Variants in GYS1 observed in about 807,000 individuals in gnomAD.
The protein encoded by GYS1 is glycogen [starch] synthase, muscle.
GYS1 carries 60 observed loss-of-function variants against 89.1 expected under a neutral mutation model. The ratio of observed to expected loss-of-function variants is 0.67; its 90% CI spans 0.55 to 0.84. The LOEUF is 0.84. Ranked by LOEUF, GYS1 falls within the 40% of genes least tolerant of loss-of-function variation. GYS1 has a pLI of 0.00. For synonymous variants in GYS1, 366 were observed against 401.7 expected, an observed-to-expected ratio of 0.91 and a Z score of 1.06; for missense variants, 888 against 1,003.1, an observed-to-expected ratio of 0.89 and a Z score of 1.55.
At chr19:48,982,663 G>C (rs576310207) in intron 6 of GYS1, 57 bp downstream of exon 6, 1 of 1,257,008 alleles carries the variant, frequency 8.0e-7, no homozygotes, top group East Asian at 2.3e-5. Flanking sequence ...CCCAGACCTA[G>C]ATGGTTAGGC....
At position 48,968,166 on chromosome 19, in the gene GYS1, C is replaced by G; in HGVS notation, c.*1122G>C. 1 of 453,570 alleles carries G rather than the reference C, an allele frequency of 2.2e-6. No individual in the cohort carries two copies. Among genetic ancestry groups the G allele is most frequent in the Non-Finnish European group, 4.4e-6 (1 of 226,470 alleles). 28.1% of individuals were successfully genotyped at this position (453,570 alleles called of 1,614,324 possible). ...AGATGTATTTTTTTCATCTCATCTC[C>G]GGACACACTCCAATCACACCCCTCC... On this transcript the variant is annotated 3_prime_UTR_variant, in exon 16 of 16. Coordinates refer to ENST00000323798, the MANE Select transcript of GYS1 (RefSeq NM_002103.5).
intron 9 of GYS1, 36 bp from the exon 10 acceptor site, chr19:48,978,038 A>G: frequency 6.2e-7 from 1 of 1,608,778 alleles, no homozygotes; most frequent in Non-Finnish European, 8.5e-7. Context: ...GTGAGAACGG[A>G]GTAATGAGAG....
rs746065850 is a variant in GYS1, at chr19:48,974,197, T to C, written c.1549+16A>G. The C allele has an allele frequency of 1.0e-5, 16 of 1,586,716 alleles. No homozygotes were observed. Among genetic ancestry groups the C allele is most frequent in the Non-Finnish European group, 1.3e-5 (15 of 1,165,726 alleles). ...AGGATGCCATGACCACGCTGTCCCC[T>C]GCCCACTACACTCACCCGGTGTGTA... On this transcript the variant is annotated intron_variant, in intron 12 of 15. Transcript: ENST00000323798.
chr19:48,972,360 G>C (rs1346118082), intron 12 of GYS1, among the ~76,000 whole-genome samples: 2 of 151,710 alleles, frequency 1.3e-5, no homozygotes, highest in Non-Finnish European at 1.5e-5. Flanking sequence ...CTTTTATAGA[G>C]ACAGGGTCTC....
At chr19:48,992,251 G>A (rs890532718) in intron 1 of GYS1, among the ~76,000 whole-genome samples, 3 of 152,034 alleles carry the variant, frequency 2.0e-5, no homozygotes, top group African/African-American at 7.3e-5. Flanking sequence ...TGTGAGATTG[G>A]CTTGTTCCTG....
Position 48,968,922 on chromosome 19 carries a change from T to C in GYS1, c.*366A>G. 2.0e-6 allele frequency: 1 copy of C among 502,494 alleles called. No individual in the cohort carries two copies. The highest frequency in any genetic ancestry group is 1.5e-5 in the South Asian group (1 of 64,878). The allele number at this position is 502,494 out of a possible 1,614,324, so 31.1% of individuals were successfully genotyped here. A position where few individuals can be genotyped will look rare whatever the true frequency, so the allele number is the denominator to read the frequency against. On this transcript the variant is annotated 3_prime_UTR_variant, in exon 16 of 16. Transcript: ENST00000323798. ...CCTGCTCTGTATGCTGTAGAATTTG[T>C]AAGCCACACGGGGGGCTCTAAAAGC... is the stretch of plus-strand genomic sequence containing the variant.
chr19:48,983,015 TTC>T (rs2122510799), intron 5 of GYS1, among the ~76,000 whole-genome samples, 178 bp from the exon 6 acceptor site: 1 of 152,216 alleles, frequency 6.6e-6, no homozygotes, highest in African/African-American at 2.4e-5. Flanking sequence ...GAGACAGGGT[TTC>T]TCTCTGTCGC....
At chr19:48,982,495 G>A (rs2038782168) in intron 6 of GYS1, 120 bp from the exon 7 acceptor site, 7 of 1,103,558 alleles carry the variant, frequency 6.3e-6, no homozygotes, top group Admixed American at 3.7e-5. Flanking sequence ...TAATACAGAG[G>A]CATCACGGGG....
intron 2 of GYS1, among the ~76,000 whole-genome samples, chr19:48,989,468 T>A (rs1378160594): frequency 2.3e-5 from 3 of 131,306 alleles, no homozygotes; most frequent in Non-Finnish European, 4.7e-5. Flanking sequence ...AGCGACAGAG[T>A]GAGATTCTAT....
chr19:48,987,256 A>G lies in GYS1; in HGVS notation c.430T>C (p.Tyr144His). The G allele has an allele frequency of 6.2e-7, 1 of 1,613,514 alleles. No individual in the cohort carries two copies. The highest frequency in any genetic ancestry group is 1.3e-5 in the African/African-American group (1 of 75,018). The change falls in exon 3 of 16, where the codon TAC becomes CAC. Residue 144 changes from tyrosine to histidine, a missense_variant. Coordinates refer to ENST00000323798, the MANE Select transcript of GYS1 (RefSeq NM_002103.5). ...WDTCNIGVPWYDREANDAVLF... is the reference protein window; with the variant it reads ...WDTCNIGVPWHDREANDAVLF... ...ACAGCGTCGTTGGCCTCGCGGTCGT[A>G]CCACGGCACTCCGATGTTGCAGGTA...
rs768327651 is a variant in GYS1, at chr19:48,969,590, G to A, written c.1912C>T (p.Arg638Trp). ...GGCGACGGTGGCACCGAGGCTGGCC[G>A]TGGGTAGCGGTACCCCTGGGCCTGC... ...ADAAQGYRYP[R>W]PASVPPSPSL... is the part of the protein sequence containing the mutation. The change falls in exon 16 of 16, where the codon CGG (arginine) becomes TGG (tryptophan). Residue 638 changes from arginine (R) to tryptophan (W), a missense_variant. Arg to Trp is a moderately radical substitution (Grantham distance 101, BLOSUM62 -3). Transcript: ENST00000323798. 1.4e-5 allele frequency: 22 copies of A among 1,538,142 alleles called. No homozygotes were observed. Among genetic ancestry groups the A allele is most frequent in the Non-Finnish European group, 1.6e-5 (18 of 1,147,204 alleles).
rs1291451716 is a variant in GYS1 at position 48,969,206 on chromosome 19, C to CG, written c.*81dup. 5 of 1,273,860 alleles carry CG rather than the reference C, an allele frequency of 3.9e-6. No individual in the cohort carries two copies. The highest frequency in any genetic ancestry group is 5.4e-6 in the Non-Finnish European group (5 of 926,046). The allele number at this position is 1,273,860 out of a possible 1,614,324, so 78.9% of individuals were successfully genotyped here. A position where few individuals can be genotyped will look rare whatever the true frequency, so the allele number is the denominator to read the frequency against. ...GGCCACACCCAGTGCAGATCTGGAG[C>CG]GGGGGTTTAGGAGCAGCACCCCTCT... is the stretch of plus-strand genomic sequence containing the variant. On this transcript the variant is annotated 3_prime_UTR_variant, in exon 16 of 16. Coordinates refer to ENST00000323798, the MANE Select transcript of GYS1 (RefSeq NM_002103.5).
chr19:48,974,431 T>A, intron 11 of GYS1, 92 bp from the exon 12 acceptor site: 1 of 1,406,998 alleles, frequency 7.1e-7, no homozygotes, highest in Non-Finnish European at 1.0e-6. Flanking sequence ...AAAGCTTGTC[T>A]AGCATCACAC....
intron 2 of GYS1, among the ~76,000 whole-genome samples, chr19:48,989,812 G>C (rs912265534): frequency 1.6e-4 from 25 of 152,200 alleles, no homozygotes; most frequent in Non-Finnish European, 3.4e-4. Context: ...AAGACTTGCT[G>C]TCTCACTTCT....
intron 8 of GYS1, among the ~76,000 whole-genome samples, chr19:48,978,721 G>A (rs567499221): frequency 2.0e-5 from 3 of 152,052 alleles, no homozygotes; most frequent in African/African-American, 7.2e-5. Flanking sequence ...TAGTAGAGAC[G>A]GGGTTTCACC....
chr19:48,978,891 C>G (rs1206910680), intron 8 of GYS1, among the ~76,000 whole-genome samples: 1 of 152,160 alleles, frequency 6.6e-6, no homozygotes. Flanking sequence ...AAGCCGTGCC[C>G]TGGGGCCTCC....
intron 14 of GYS1, 70 bp downstream of exon 14, chr19:48,970,475 AC>A: frequency 7.7e-7 from 1 of 1,290,686 alleles, no homozygotes; most frequent in Non-Finnish European, 1.1e-6. Flanking sequence ...GAGACCCTGC[AC>A]CCTGCACCAA....
intron 14 of GYS1, 110 bp downstream of exon 14, chr19:48,970,436 A>T: frequency 1.1e-6 from 1 of 934,844 alleles, no homozygotes; most frequent in Non-Finnish European, 1.7e-6. Context: ...TTCATTGCTT[A>T]AAGGGACAGC....
Position 48,991,572 on chromosome 19 carries a change from C to G in GYS1, c.119-89G>C. ...GGGTGGGCCGGGGATGTAGGGGGCACTCAGGCCCCAGACCTCTAGCTCAGG... is the reference window on the plus strand; with the variant it reads ...GGGTGGGCCGGGGATGTAGGGGGCAGTCAGGCCCCAGACCTCTAGCTCAGG... On this transcript the variant is annotated intron_variant, in intron 1 of 15. Coordinates refer to ENST00000323798, the MANE Select transcript of GYS1 (RefSeq NM_002103.5). This position sits in a 1 kb window ranked among gnomAD's most constrained non-coding sequence, Gnocchi z 4.7. The G allele has an allele frequency of 7.1e-7, 1 of 1,399,054 alleles. No individual in the cohort carries two copies. The allele number at this position is 1,399,054 out of a possible 1,614,324, so 86.7% of individuals were successfully genotyped here. A position where few individuals can be genotyped will look rare whatever the true frequency, so the allele number is the denominator to read the frequency against.
Sources: gnomAD v4.1 joint callset for allele counts (sites outside exome capture counted in the v4.1 genomes callset) on GRCh38, gnomAD v4.1.1 for gene constraint, Gnocchi (gnomAD v3.1) non-coding constraint, MANE v1.5 for transcripts, NCBI Gene and HGNC (gene_info 2026-07-23, HGNC 2026-07-21) for gene names.